The following PCDH15 variants were observed in gnomAD, a reference collection of about 807,000 sequenced individuals.
PCDH15 encodes protocadherin related 15, also known as protocadherin-15.
In PCDH15, 129 loss-of-function variants were observed where a neutral mutation model predicts 178.5. That is an observed-to-expected ratio of 0.72 (90% confidence interval 0.63 to 0.84). PCDH15 has a LOEUF of 0.84. PCDH15 is among the 40% of genes least tolerant of loss of function. The probability of loss-of-function intolerance (pLI) is 0.00; values close to 1 mark genes in which losing one functional copy is unlikely to be tolerated. For missense variants in PCDH15, 2,230 were observed against 2,099.9 expected (o/e 1.06, Z -1.21); for synonymous variants, 800 against 732.0 (o/e 1.09, Z -1.50).
intron 2 of PCDH15, among the ~76,000 whole-genome samples, chr10:55,124,174 T>G (rs1449282501): frequency 1.3e-5 from 2 of 152,166 alleles, no homozygotes; most frequent in Non-Finnish European, 2.9e-5. Flanking sequence ...AACACACATT[T>G]TATTAAAAGG....
chr10:54,813,338 A>G (rs908742809), intron 3 of PCDH15, among the ~76,000 whole-genome samples: 1 of 151,838 alleles, frequency 6.6e-6, no homozygotes, highest in Non-Finnish European at 1.5e-5. Flanking sequence ...CTCACATACC[A>G]TCTGCTTAGT....
At position 54,090,044 on chromosome 10, in the gene PCDH15, T is replaced by A; in HGVS notation, c.1937A>T (p.Asp646Val). Reference sequence around the variant, plus strand: ...ATTCTCAATGGCATATGTTATTGAGTCTCCCTCTCGATCAGTTGCCTTCAG... The same window carrying A: ...ATTCTCAATGGCATATGTTATTGAGACTCCCTCTCGATCAGTTGCCTTCAG... ...LNLQATDREG[D>V]SITYAIENGD... The change falls in exon 16 of 38, where the codon GAC (aspartate) becomes GTC (valine). Residue 646 changes from aspartate (D) to valine (V), a missense_variant. Physicochemically the swap from Asp to Val is radical, Grantham distance 152. Transcript: ENST00000644397. The A allele has an allele frequency of 6.2e-7, 1 of 1,611,818 alleles. No homozygotes were observed. Among genetic ancestry groups the A allele is most frequent in the Non-Finnish European group, 8.5e-7 (1 of 1,178,370 alleles).
At chr10:55,194,740 T>G (rs1840036569) in intron 1 of PCDH15, among the ~76,000 whole-genome samples, 1 of 151,716 alleles carries the variant, frequency 6.6e-6, no homozygotes, top group African/African-American at 2.4e-5. Flanking sequence ...ATATACCCAG[T>G]AAAAATAATT....
Position 53,962,590 on chromosome 10 carries a change from C to T in PCDH15, c.2869-698G>A, listed in dbSNP as rs867289655. ...CAATTGCTAGATGCTTACCACTTGC[C>T]GGAACCACATTAAAGATGATGTATG... On this transcript the variant is annotated intron_variant, in intron 21 of 37. Coordinates refer to ENST00000644397, the MANE Select transcript of PCDH15 (RefSeq NM_001384140.1). Among the ~76,000 whole-genome samples the T allele has an allele frequency of 8.5e-5, 13 of 152,136 alleles. No individual in the cohort carries two copies. In the Middle Eastern group the frequency reaches 0.01, roughly 119 times the overall value.
chr10:55,536,918 C>T (rs1318578429), intron 2 of PCDH15, among the ~76,000 whole-genome samples: 1 of 151,916 alleles, frequency 6.6e-6, no homozygotes, highest in Non-Finnish European at 1.5e-5. Context: ...TTGACAACAT[C>T]CTCCCTCATT....
rs528949990 is a variant in PCDH15 at position 53,973,416 on chromosome 10, T to G, written c.2869-11524A>C. Reference sequence around the variant, plus strand: ...GTAACAAACCTGCACGTTGTGCACATGTACCCTAGAACTTAAAGTATATTA... The same window carrying G: ...GTAACAAACCTGCACGTTGTGCACAGGTACCCTAGAACTTAAAGTATATTA... On this transcript the variant is annotated intron_variant, in intron 21 of 37. Coordinates refer to ENST00000644397, the MANE Select transcript of PCDH15 (RefSeq NM_001384140.1). 2.2e-3 allele frequency among the ~76,000 whole-genome samples: 338 copies of G among 152,176 alleles called. 1 individual carries two copies. The highest frequency in any genetic ancestry group is 3.5e-3 in the Non-Finnish European group (238 of 67,998).
At chr10:54,621,227 G>A (rs1201937719) in intron 2 of PCDH15, among the ~76,000 whole-genome samples, 2 of 151,862 alleles carry the variant, frequency 1.3e-5, no homozygotes, top group Non-Finnish European at 2.9e-5. Flanking sequence ...TTTATTTCAA[G>A]TAAATGAACA....
intron 14 of PCDH15, among the ~76,000 whole-genome samples, chr10:54,135,620 T>A (rs2042840839): frequency 6.6e-6 from 1 of 152,196 alleles, no homozygotes; most frequent in Admixed American, 6.5e-5. Flanking sequence ...AGATCTTGGC[T>A]TCTTTTAGGG....
intron 8 of PCDH15, among the ~76,000 whole-genome samples, chr10:54,253,795 T>C (rs2056690443): frequency 6.6e-6 from 1 of 152,096 alleles, no homozygotes; most frequent in Non-Finnish European, 1.5e-5. Flanking sequence ...ACAGCTGGTT[T>C]GAAAACATTC....
At chr10:54,821,678 A>G (rs1953043412) in intron 3 of PCDH15, among the ~76,000 whole-genome samples, 1 of 152,102 alleles carries the variant, frequency 6.6e-6, no homozygotes, top group Non-Finnish European at 1.5e-5. Flanking sequence ...TGAGAATGTA[A>G]AAGTAATCCG....
At chr10:54,313,268 A>C (rs2061020155) in intron 8 of PCDH15, among the ~76,000 whole-genome samples, 1 of 152,022 alleles carries the variant, frequency 6.6e-6, no homozygotes, top group Non-Finnish European at 1.5e-5. Context: ...TTATTTCTTC[A>C]CCATTAGTTC....
At chr10:53,849,860 CAAAAAAA>C (rs58458871) in intron 28 of PCDH15, among the ~76,000 whole-genome samples, 29 of 52,724 alleles carry the variant, frequency 5.5e-4, no homozygotes, top group Admixed American at 1.1e-3. Flanking sequence ...GGCTCCGTCT[CAAAAAAA>C]AAAAAAAAAA....
chr10:54,305,716 AACCTATT>A (rs1490591864), intron 8 of PCDH15, among the ~76,000 whole-genome samples: 1 of 152,054 alleles, frequency 6.6e-6, no homozygotes, highest in Non-Finnish European at 1.5e-5. Flanking sequence ...TTCTTGAGGG[AACCTATT>A]ACAGACTGTG....
intron 2 of PCDH15, among the ~76,000 whole-genome samples, chr10:55,538,940 T>C (rs1210481196): frequency 1.4e-5 from 1 of 69,270 alleles, no homozygotes; most frequent in African/African-American, 6.5e-5. Context: ...CTTTCCTTCC[T>C]TCCTCCCTTC....
chr10:55,548,012 T>C (rs1841927573), intron 2 of PCDH15, among the ~76,000 whole-genome samples: 1 of 150,632 alleles, frequency 6.6e-6, no homozygotes. Flanking sequence ...CCAGTTTACA[T>C]GCCAGAGTTG....
At chr10:54,149,609 G>A (rs1414214567) in intron 14 of PCDH15, among the ~76,000 whole-genome samples, 1 of 152,150 alleles carries the variant, frequency 6.6e-6, no homozygotes, top group Non-Finnish European at 1.5e-5. Flanking sequence ...TACCTGTAGT[G>A]ATAGCTGACA....
intron 1 of PCDH15, among the ~76,000 whole-genome samples, chr10:54,679,094 G>A (rs1195595576): frequency 6.6e-6 from 1 of 150,406 alleles, no homozygotes; most frequent in Non-Finnish European, 1.5e-5. Context: ...GGAGGCTGAG[G>A]CAGGAGAATG....
chr10:54,288,305 G>A (rs1318063735), intron 8 of PCDH15, among the ~76,000 whole-genome samples: 1 of 152,176 alleles, frequency 6.6e-6, no homozygotes, highest in Non-Finnish European at 1.5e-5. Flanking sequence ...GGGCATCAGA[G>A]TGAGACTCCA....
chr10:55,143,544 G>T (rs927233122), intron 2 of PCDH15, among the ~76,000 whole-genome samples: 1 of 151,956 alleles, frequency 6.6e-6, no homozygotes, highest in Non-Finnish European at 1.5e-5. Context: ...TTTTCACCAT[G>T]ACTGCTGATT....
Sources: allele counts gnomAD v4.1 joint callset (sites outside exome capture counted in the v4.1 genomes callset), GRCh38; gene constraint gnomAD v4.1.1; transcripts MANE v1.5; gene names NCBI Gene and HGNC (gene_info 2026-07-23, HGNC 2026-07-21).